BCAS1: variants seen among roughly 807,000 people sequenced by gnomAD.
BCAS1 encodes breast carcinoma-amplified sequence 1.
In BCAS1, 46 loss-of-function variants were observed where a neutral mutation model predicts 65.4. That is an observed-to-expected ratio of 0.70 (90% confidence interval 0.55 to 0.90). The LOEUF (loss-of-function observed/expected upper bound fraction) is 0.90, where lower values mean the gene tolerates loss of function less well. BCAS1 is among the 40% of genes least tolerant of loss of function. The probability of loss-of-function intolerance (pLI) is 0.00; values close to 1 mark genes in which losing one functional copy is unlikely to be tolerated. For synonymous variants in BCAS1, 298 were observed against 293.5 expected (o/e 1.02, Z -0.16); for missense variants, 793 against 771.2 (o/e 1.03, Z -0.33).
intron 8 of BCAS1, among the ~76,000 whole-genome samples, chr20:53,983,698 C>G (rs1212353006): frequency 6.6e-6 from 1 of 152,206 alleles, no homozygotes; most frequent in Non-Finnish European, 1.5e-5. Flanking sequence ...GCCATTCATT[C>G]CGGTCCAGTG....
At chr20:53,989,726 C>T (rs878868) in intron 7 of BCAS1, among the ~76,000 whole-genome samples, 19,084 of 152,068 alleles carry the variant, frequency 0.13, 2,597 homozygotes, top group African/African-American at 0.34. Flanking sequence ...TCTTTGTTTG[C>T]GTTACAGAGG....
intron 4 of BCAS1, among the ~76,000 whole-genome samples, chr20:54,005,702 C>T (rs1413531871): frequency 6.6e-6 from 1 of 152,110 alleles, no homozygotes; most frequent in Non-Finnish European, 1.5e-5. Flanking sequence ...TCAAGAGTGA[C>T]TGAACTAGAA....
rs543565861 is a variant in BCAS1, at chr20:53,958,706, A to AAC, written c.1486-1210_1486-1209insGT. Among the ~76,000 whole-genome samples, 450 of 152,374 alleles carry AAC rather than the reference A, an allele frequency of 3.0e-3. 3 individuals carry two copies. Among genetic ancestry groups the AAC allele is most frequent in the South Asian group, 0.016 (77 of 4,830 alleles). On this transcript the variant is annotated intron_variant, in intron 10 of 12. Transcript: ENST00000688948. ...TTACTAAGTGCTGGGCATTGTGCTA[A>AAC]ATGAGATAATAACTTGCATTATTTC...
chr20:53,953,824 G>T, intron 11 of BCAS1, 129 bp from the exon 12 acceptor site: 1 of 1,102,238 alleles, frequency 9.1e-7, no homozygotes. Flanking sequence ...AATCCTAGGT[G>T]AAATGAATAT....
chr20:54,004,112 G>A (rs2145907856), intron 4 of BCAS1, among the ~76,000 whole-genome samples: 1 of 152,328 alleles, frequency 6.6e-6, no homozygotes, highest in South Asian at 2.1e-4. Flanking sequence ...CTTCTGATGT[G>A]ATGGTATTAG....
intron 12 of BCAS1, among the ~76,000 whole-genome samples, chr20:53,947,029 T>A (rs1485304148): frequency 1.3e-5 from 2 of 152,182 alleles, no homozygotes; most frequent in Admixed American, 6.5e-5. Context: ...CCCTGTATAA[T>A]CTAGCATAGT....
chr20:54,054,627 A>C (rs746626013), intron 3 of BCAS1, among the ~76,000 whole-genome samples: 1 of 152,204 alleles, frequency 6.6e-6, no homozygotes, highest in Non-Finnish European at 1.5e-5. Context: ...TAACAGGCAA[A>C]ATTGCTACCT....
At chr20:54,022,286 TG>T (rs1289567159) in intron 4 of BCAS1, among the ~76,000 whole-genome samples, 1 of 86,872 alleles carries the variant, frequency 1.2e-5, no homozygotes. Flanking sequence ...AATTGATTGT[TG>T]TGTGTGTGTG....
At position 54,046,876 on chromosome 20, in the gene BCAS1, G is replaced by A. The variant is rs1241020741; in HGVS notation, c.142+11209C>T. 4.0e-5 allele frequency among the ~76,000 whole-genome samples: 6 copies of A among 151,840 alleles called. No homozygotes were observed. In the South Asian group the frequency reaches 8.3e-4, roughly 21 times the overall value. ...AAAAAAAAGAATTCAGGCAGAGAGAGGATAGGATCAGCTTATTTCTGCTCT... is the reference window on the plus strand; with the variant it reads ...AAAAAAAAGAATTCAGGCAGAGAGAAGATAGGATCAGCTTATTTCTGCTCT... On this transcript the variant is annotated intron_variant, in intron 3 of 12. Transcript: ENST00000688948.
At chr20:54,055,354 G>T (rs2092281507) in intron 3 of BCAS1, among the ~76,000 whole-genome samples, 3 of 152,174 alleles carry the variant, frequency 2.0e-5, no homozygotes, top group Admixed American at 2.0e-4. Context: ...GATCCATATG[G>T]CTGGGGAGGC....
chr20:54,028,503 C>T lies in BCAS1; in HGVS notation c.612G>A (p.Gln204=). The T allele has an allele frequency of 1.9e-6, 3 of 1,614,192 alleles. No homozygotes were observed. The highest frequency in any genetic ancestry group is 1.1e-5 in the South Asian group (1 of 91,078). ...FDKFFKLDKG[Q]EKVPGDSQQE... is the part of the protein sequence containing the mutation. Reference sequence around the variant, plus strand: ...GTTGGCTGTCACCTGGCACCTTTTCCTGTCCCTTGTCCAGCTTGAAGAATT... The same window carrying T: ...GTTGGCTGTCACCTGGCACCTTTTCTTGTCCCTTGTCCAGCTTGAAGAATT... Residue 204 remains glutamine, a synonymous_variant, in exon 4 of 13, where the codon CAG becomes CAA. Transcript: ENST00000688948.
chr20:54,036,102 T>C (rs1048075715), intron 3 of BCAS1, among the ~76,000 whole-genome samples: 1 of 150,762 alleles, frequency 6.6e-6, no homozygotes, highest in Non-Finnish European at 1.5e-5. Context: ...AATTAATAGA[T>C]ATTATTTCAT....
chr20:53,964,550 C>T (rs1027067897), intron 10 of BCAS1, among the ~76,000 whole-genome samples: 1 of 152,172 alleles, frequency 6.6e-6, no homozygotes. Context: ...TTCTAAGAAT[C>T]CATTGGGGAT....
chr20:53,993,047 C>T (rs536021288), intron 6 of BCAS1, among the ~76,000 whole-genome samples: 6 of 152,252 alleles, frequency 3.9e-5, no homozygotes, highest in African/African-American at 1.4e-4. Flanking sequence ...CTTTTTCATC[C>T]TGGAGTCAAA....
Position 53,975,506 on chromosome 20 carries a change from AGTT to A in BCAS1, c.1276-79_1276-77del, listed in dbSNP as rs201662471. The A allele has an allele frequency of 8.9e-3, 11,074 of 1,245,702 alleles. 157 individuals are homozygous for A. The highest frequency in any genetic ancestry group is 0.044 in the South Asian group (3,525 of 79,962). The allele number at this position is 1,245,702 out of a possible 1,614,324, so 77.2% of individuals were successfully genotyped here. A position where few individuals can be genotyped will look rare whatever the true frequency, so the allele number is the denominator to read the frequency against. Reference sequence around the variant, plus strand: ...AATTGTTACATAAAAGCAAAGGGTTAGTTGGGCTCACAGTCTTGGGGTGCGTTC... The same window carrying A: ...AATTGTTACATAAAAGCAAAGGGTTAGGGCTCACAGTCTTGGGGTGCGTTC... On this transcript the variant is annotated intron_variant, in intron 8 of 12. Coordinates refer to ENST00000688948, the MANE Select transcript of BCAS1 (RefSeq NM_001366298.2).
intron 9 of BCAS1, among the ~76,000 whole-genome samples, chr20:53,973,083 C>G (rs1463184733): frequency 6.6e-6 from 1 of 152,142 alleles, no homozygotes; most frequent in Non-Finnish European, 1.5e-5. Context: ...CAAAAATTAG[C>G]CAGGCATGGT....
In BCAS1 at chr20:53,957,488, C is replaced by A. The variant is rs566403380; in HGVS notation, c.1495G>T (p.Gly499Trp). Residue 499 changes from glycine to tryptophan, a missense_variant, in exon 11 of 13, where the codon GGG (glycine) becomes TGG (tryptophan). By Grantham distance (184) the Gly-to-Trp change is radical. Coordinates refer to ENST00000688948, the MANE Select transcript of BCAS1 (RefSeq NM_001366298.2). ...TCTGAGTGGGTGATCCCTCCATCCC[C>A]TTTCACTGACTAAAATAACAAACAG... is the stretch of plus-strand genomic sequence containing the variant. ...MAFLRQMSVK[G>W]DGGITHSEEI... 85 of 1,613,926 alleles carry A rather than the reference C, an allele frequency of 5.3e-5. No homozygotes were observed. The highest frequency in any genetic ancestry group is 2.7e-4 in the Admixed American group (16 of 60,014).
chr20:54,054,505 C>T (rs1233873020), intron 3 of BCAS1, among the ~76,000 whole-genome samples: 1 of 152,144 alleles, frequency 6.6e-6, no homozygotes, highest in Non-Finnish European at 1.5e-5. Flanking sequence ...TAAAACTGCA[C>T]TGAAAATTAT....
intron 4 of BCAS1, among the ~76,000 whole-genome samples, chr20:54,010,305 G>A (rs1478176563): frequency 6.6e-6 from 1 of 151,934 alleles, no homozygotes; most frequent in African/African-American, 2.4e-5. Flanking sequence ...CAGAGAAGAT[G>A]GCAAAATTAG....
Sources: gnomAD v4.1 joint callset for allele counts (sites outside exome capture counted in the v4.1 genomes callset) on GRCh38, gnomAD v4.1.1 for gene constraint, MANE v1.5 for transcripts, NCBI Gene and HGNC (gene_info 2026-07-23, HGNC 2026-07-21) for gene names.